The following PCDHA11 variants were observed in gnomAD, a reference collection of about 807,000 sequenced individuals.
The protein encoded by PCDHA11 is protocadherin alpha-11.
A neutral mutation model predicts 70.3 loss-of-function variants in PCDHA11; 61 were observed. That is an observed-to-expected ratio of 0.87 (90% CI 0.71 to 1.07). The LOEUF is 1.07. Ranked by LOEUF, PCDHA11 falls within the 50% of genes least tolerant of loss-of-function variation. The pLI is 0.00. For missense variants in PCDHA11, 1,324 were observed against 1,237.5 expected, an observed-to-expected ratio of 1.07 and a Z score of -1.05; for synonymous variants, 633 against 555.1, an observed-to-expected ratio of 1.14 and a Z score of -1.97.
chr5:140,928,161 C>T (rs155820), intron 1 of PCDHA11: 1 of 1,613,960 alleles, frequency 6.2e-7, no homozygotes, highest in South Asian at 1.1e-5. Context: ...GTGGCTCACC[C>T]CCACTTAGCA....
rs782607699 is a variant in PCDHA11, at chr5:140,926,577, C to A, written c.2392-52372C>A. ...CAGCCCGCTGCTACTGGAGACAGCA[C>A]CTCTCGCGCCCGGGCGGGCGGCCTC... On this transcript the variant is annotated intron_variant, in intron 1 of 3. Coordinates refer to ENST00000398640, the MANE Select transcript of PCDHA11 (RefSeq NM_018902.5). The A allele has an allele frequency of 2.5e-5, 7 of 275,464 alleles. No individual in the cohort carries two copies. In the Middle Eastern group the frequency reaches 3.1e-3, roughly 122 times the overall value. The allele number at this position is 275,464 out of a possible 1,614,324, so 17.1% of individuals were successfully genotyped here. A position where few individuals can be genotyped will look rare whatever the true frequency, so the allele number is the denominator to read the frequency against.
chr5:140,905,643 A>G (rs532700036), intron 1 of PCDHA11, among the ~76,000 whole-genome samples: 1 of 152,306 alleles, frequency 6.6e-6, no homozygotes, highest in Non-Finnish European at 1.5e-5. Context: ...TCAGTTTCAC[A>G]GTATTGATTC....
At chr5:141,006,050 G>A (rs1554260524) in intron 3 of PCDHA11, among the ~76,000 whole-genome samples, 1 of 151,092 alleles carries the variant, frequency 6.6e-6, no homozygotes, top group African/African-American at 2.4e-5. Flanking sequence ...GTAGATGAGA[G>A]TGGAGAAGAA....
intron 1 of PCDHA11, among the ~76,000 whole-genome samples, chr5:140,890,240 A>C (rs1554184230): frequency 6.6e-6 from 1 of 152,138 alleles, no homozygotes; most frequent in African/African-American, 2.4e-5. Flanking sequence ...AGCATTTACC[A>C]GTACACTACT....
intron 1 of PCDHA11, among the ~76,000 whole-genome samples, chr5:140,879,496 C>T (rs186624809): frequency 6.6e-6 from 1 of 152,204 alleles, no homozygotes; most frequent in Admixed American, 6.5e-5. Context: ...GGGTCTGGAT[C>T]TCAGAAGAGA....
chr5:140,877,874 C>A, intron 1 of PCDHA11: 1 of 1,477,456 alleles, frequency 6.8e-7, no homozygotes, highest in Non-Finnish European at 9.0e-7. Flanking sequence ...ATATTTGTTT[C>A]CTTGAAGAAC....
At chr5:140,971,366 G>A (rs1554233245) in intron 1 of PCDHA11, among the ~76,000 whole-genome samples, 1 of 152,186 alleles carries the variant, frequency 6.6e-6, no homozygotes, top group Non-Finnish European at 1.5e-5. Flanking sequence ...TTTGCCAGGA[G>A]AGTGCATGAC....
At chr5:140,918,074 G>T (rs546551059) in intron 1 of PCDHA11, among the ~76,000 whole-genome samples, 1 of 152,096 alleles carries the variant, frequency 6.6e-6, no homozygotes, top group South Asian at 2.1e-4. Context: ...TCTTTCAGTA[G>T]TGTTTTATAA....
At chr5:140,927,243 C>A in intron 1 of PCDHA11, 1 of 1,614,132 alleles carries the variant, frequency 6.2e-7, no homozygotes. Flanking sequence ...TCCTGGACAC[C>A]AATGACAACT....
chr5:140,894,941 C>T (rs2064738715), intron 1 of PCDHA11, among the ~76,000 whole-genome samples: 1 of 152,272 alleles, frequency 6.6e-6, no homozygotes, highest in East Asian at 1.9e-4. Context: ...CAGCTATTGT[C>T]ATGAAATGAT....
At chr5:140,920,405 A>T (rs1253203896) in intron 1 of PCDHA11, among the ~76,000 whole-genome samples, 1 of 152,118 alleles carries the variant, frequency 6.6e-6, no homozygotes, top group Non-Finnish European at 1.5e-5. Context: ...TCTTTTTTTA[A>T]TCAGATACAG....
At chr5:140,999,476 A>G (rs1209910607) in intron 3 of PCDHA11, among the ~76,000 whole-genome samples, 6 of 152,124 alleles carry the variant, frequency 3.9e-5, no homozygotes, top group African/African-American at 1.2e-4. Flanking sequence ...GCAGATTCCA[A>G]CTCAAGTCTA....
Position 140,927,005 on chromosome 5 carries a change from A to G in PCDHA11, c.2392-51944A>G, listed in dbSNP as rs1554203909. On this transcript the variant is annotated intron_variant, in intron 1 of 3. Coordinates refer to ENST00000398640, the MANE Select transcript of PCDHA11 (RefSeq NM_018902.5). ...ACGGAGCGGGGCGTAGCCGTAGGCA[A>G]TCTCTCCGCGGACTTGAGGCTGCCA... 6 of 1,612,394 alleles carry G rather than the reference A, an allele frequency of 3.7e-6. No homozygotes were observed. The South Asian group carries it at 4.4e-5, about 12-fold the overall frequency.
chr5:140,927,459 A>G (rs2084222098), intron 1 of PCDHA11: 1 of 1,614,018 alleles, frequency 6.2e-7, no homozygotes, highest in Non-Finnish European at 8.5e-7. Flanking sequence ...TGTTGGAGAA[A>G]GCACTGGATC....
Position 140,927,144 on chromosome 5 carries a change from A to T in PCDHA11, c.2392-51805A>T, listed in dbSNP as rs116743674. 1.1e-5 allele frequency: 18 copies of T among 1,614,102 alleles called. No individual in the cohort carries two copies. The South Asian group carries it at 1.9e-4, about 17-fold the overall frequency. On this transcript the variant is annotated intron_variant, in intron 1 of 3. Transcript: ENST00000398640. Reference sequence around the variant, plus strand: ...TGGTCAGAGAGCCGGCGGACCGCGAACAGCTGTGCAGGGCCAAAGCTGCCT... The same window carrying T: ...TGGTCAGAGAGCCGGCGGACCGCGATCAGCTGTGCAGGGCCAAAGCTGCCT...
chr5:140,957,983 AG>A (rs1554223250), intron 1 of PCDHA11, among the ~76,000 whole-genome samples: 1 of 152,154 alleles, frequency 6.6e-6, no homozygotes, highest in Non-Finnish European at 1.5e-5. Flanking sequence ...AAATAGAATC[AG>A]TGCCAGATTT....
chr5:140,936,981 T>C (rs2153630854), intron 1 of PCDHA11, among the ~76,000 whole-genome samples: 1 of 152,330 alleles, frequency 6.6e-6, no homozygotes, highest in South Asian at 2.1e-4. Flanking sequence ...ATGAAGCTTG[T>C]TAACATTGAC....
At chr5:140,968,749 G>A in intron 1 of PCDHA11, 1 of 1,614,150 alleles carries the variant, frequency 6.2e-7, no homozygotes, top group Non-Finnish European at 8.5e-7. Context: ...TGACCGTGGT[G>A]GTCCGAGATA....
Position 141,009,722 on chromosome 5 carries a change from G to T in PCDHA11, c.2635G>T (p.Gly879Cys), listed in dbSNP as rs552954748. 6.8e-6 allele frequency: 11 copies of T among 1,614,022 alleles called. No individual in the cohort carries two copies. The highest frequency in any genetic ancestry group is 9.3e-6 in the Non-Finnish European group (11 of 1,180,046). Residue 879 changes from glycine (G) to cysteine (C), a missense_variant, in exon 4 of 4, where the codon GGT becomes TGT. Gly to Cys is a radical substitution (Grantham distance 159). Transcript: ENST00000398640. ...CGGACCAGGCAACCCCAAACAATCC[G>T]GTCCCGGTGAGTTGCCCGACAAATT... ...KYGPGNPKQS[G>C]PGELPDKFII...
Sources: gnomAD v4.1 joint callset for allele counts (sites outside exome capture counted in the v4.1 genomes callset) on GRCh38, gnomAD v4.1.1 for gene constraint, MANE v1.5 for transcripts, NCBI Gene and HGNC (gene_info 2026-07-23, HGNC 2026-07-21) for gene names.